The following CDC40 variants were observed in gnomAD, a reference collection of about 807,000 sequenced individuals.
CDC40 encodes the protein pre-mRNA-processing factor 17.
CDC40 carries 27 observed loss-of-function variants against 80.6 expected under a neutral mutation model. The observed-to-expected ratio is 0.33, with a 90% CI of 0.25 to 0.46. CDC40 has a LOEUF of 0.46. CDC40 is among the 20% of genes least tolerant of loss of function. The pLI is 1.00. For synonymous variants in CDC40, 221 were observed against 232.6 expected, an observed-to-expected ratio of 0.95 and a Z score of 0.45; for missense variants, 486 against 694.1, an observed-to-expected ratio of 0.70 and a Z score of 3.37.
At chr6:110,207,077 G>A (rs1777572168) in intron 3 of CDC40, among the ~76,000 whole-genome samples, 1 of 152,074 alleles carries the variant, frequency 6.6e-6, no homozygotes, top group Admixed American at 6.5e-5. Context: ...CACTTTGGGA[G>A]GCCAAGGCGG....
intron 1 of CDC40, among the ~76,000 whole-genome samples, chr6:110,181,216 G>A (rs1291581821): frequency 1.3e-5 from 2 of 152,204 alleles, no homozygotes; most frequent in African/African-American, 4.8e-5. Flanking sequence ...TTATGATTGT[G>A]TGTGTTAATA....
intron 1 of CDC40, among the ~76,000 whole-genome samples, chr6:110,183,227 T>C (rs1777223334): frequency 6.6e-6 from 1 of 152,252 alleles, no homozygotes; most frequent in Non-Finnish European, 1.5e-5. Context: ...CATCTTTTTC[T>C]TTCCTCTGGA....
intron 1 of CDC40, among the ~76,000 whole-genome samples, chr6:110,186,367 C>A (rs1777270523): frequency 6.6e-6 from 1 of 151,958 alleles, no homozygotes; most frequent in Admixed American, 6.6e-5. Flanking sequence ...TGTGTGCTTC[C>A]CAGCTACTTG....
intron 8 of CDC40, among the ~76,000 whole-genome samples, chr6:110,214,203 TG>T (rs1191314311): frequency 2.0e-5 from 3 of 152,200 alleles, no homozygotes; most frequent in Non-Finnish European, 4.4e-5. Flanking sequence ...ACTTTTACTT[TG>T]TACAAACCAT....
chr6:110,185,994 C>T (rs530642381), intron 1 of CDC40, among the ~76,000 whole-genome samples: 1 of 152,274 alleles, frequency 6.6e-6, no homozygotes, highest in African/African-American at 2.4e-5. Flanking sequence ...TCGATCAGTA[C>T]TTTCACCTTC....
Position 110,219,430 on chromosome 6 carries a change from A to T in CDC40, c.1157A>T (p.Asp386Val). The T allele has an allele frequency of 6.2e-7, 1 of 1,610,866 alleles. No homozygotes were observed. Among genetic ancestry groups the T allele is most frequent in the Non-Finnish European group, 8.5e-7 (1 of 1,177,332 alleles). Residue 386 changes from aspartate (D) to valine (V), a missense_variant, in exon 11 of 15, where the codon GAT (aspartate) becomes GTT (valine). Transcript: ENST00000307731. Reference protein sequence around the residue: ...PYCVKFNPDEDKQNLFVAGMS... With the variant: ...PYCVKFNPDEVKQNLFVAGMS... ...TGTGTCAAATTCAATCCTGATGAAG[A>T]TAAGCAAAATCTCTTTGTGGCTGGG... is the stretch of plus-strand genomic sequence containing the variant.
intron 12 of CDC40, among the ~76,000 whole-genome samples, chr6:110,222,670 C>T (rs1749813657): frequency 6.6e-6 from 1 of 152,202 alleles, no homozygotes; most frequent in Non-Finnish European, 1.5e-5. Flanking sequence ...CTCCATCGTC[C>T]CACACTGTCA....
chr6:110,197,016 G>A (rs1386459904), intron 2 of CDC40, among the ~76,000 whole-genome samples: 1 of 152,038 alleles, frequency 6.6e-6, no homozygotes, highest in East Asian at 1.9e-4. Flanking sequence ...CCCATTTTTA[G>A]TAGTATAAAT....
At chr6:110,188,953 G>A (rs550160862) in intron 1 of CDC40, among the ~76,000 whole-genome samples, 1 of 152,120 alleles carries the variant, frequency 6.6e-6, no homozygotes, top group Non-Finnish European at 1.5e-5. Context: ...CACACTTCCT[G>A]GTAATTCTAA....
chr6:110,190,901 C>T (rs552557128), intron 1 of CDC40, among the ~76,000 whole-genome samples: 5 of 152,296 alleles, frequency 3.3e-5, no homozygotes, highest in African/African-American at 9.6e-5. Flanking sequence ...TCCCCCAACC[C>T]TTCCTCGGGC....
intron 3 of CDC40, among the ~76,000 whole-genome samples, chr6:110,201,964 T>G (rs188086675): frequency 9.2e-5 from 14 of 152,320 alleles, no homozygotes; most frequent in African/African-American, 3.1e-4. Context: ...TAATGGACAT[T>G]TGTTATTTTA....
intron 12 of CDC40, among the ~76,000 whole-genome samples, chr6:110,225,112 G>GT (rs1323618258): frequency 9.2e-5 from 14 of 152,254 alleles, no homozygotes; most frequent in African/African-American, 3.4e-4. Flanking sequence ...CCTGATAGAA[G>GT]TTTTTTCTAG....
At chr6:110,206,557 C>G (rs1305323973) in intron 3 of CDC40, among the ~76,000 whole-genome samples, 1 of 152,166 alleles carries the variant, frequency 6.6e-6, no homozygotes, top group South Asian at 2.1e-4. Flanking sequence ...TTATATGTAG[C>G]TACATACTTT....
intron 1 of CDC40, among the ~76,000 whole-genome samples, chr6:110,189,939 T>C (rs539854852): frequency 6.6e-6 from 1 of 152,366 alleles, no homozygotes; most frequent in East Asian, 1.9e-4. Flanking sequence ...AAAGGTTTTT[T>C]GTGACATAAT....
intron 2 of CDC40, among the ~76,000 whole-genome samples, chr6:110,195,082 A>G (rs1160636054): frequency 6.6e-6 from 1 of 152,326 alleles, no homozygotes; most frequent in East Asian, 1.9e-4. Context: ...AAGCAAAATT[A>G]TAATTGTTCC....
At chr6:110,195,558 A>T (rs76588947) in intron 2 of CDC40, among the ~76,000 whole-genome samples, 7,835 of 152,266 alleles carry the variant, frequency 0.051, 225 homozygotes, top group East Asian at 0.12. Context: ...TAAAATGAAG[A>T]TAATTTTTAT....
At chr6:110,212,987 G>A in intron 7 of CDC40, 99 bp from the exon 8 acceptor site, 1 of 841,354 alleles carries the variant, frequency 1.2e-6, no homozygotes, top group South Asian at 1.4e-5. Context: ...AAGAAAAATA[G>A]CAAATTAGGC....
intron 8 of CDC40, among the ~76,000 whole-genome samples, chr6:110,214,259 T>C (rs1273518528): frequency 1.3e-5 from 2 of 152,166 alleles, no homozygotes; most frequent in Admixed American, 1.3e-4. Context: ...CAAAAAAGCA[T>C]AGAATTCAAT....
chr6:110,219,533 G>A, intron 11 of CDC40, 54 bp downstream of exon 11: 1 of 1,162,462 alleles, frequency 8.6e-7, no homozygotes, highest in Non-Finnish European at 1.3e-6. Context: ...TTGTATAAGG[G>A]GATGGAATAA....
Sources: allele counts gnomAD v4.1 joint callset (sites outside exome capture counted in the v4.1 genomes callset), GRCh38; gene constraint gnomAD v4.1.1; transcripts MANE v1.5; gene names NCBI Gene and HGNC (gene_info 2026-07-23, HGNC 2026-07-21).